The following SLIT3 variants were observed in gnomAD, a reference collection of about 807,000 sequenced individuals.
The protein encoded by SLIT3 is slit guidance ligand 3, also known as slit homolog 3 protein.
SLIT3 carries 68 observed loss-of-function variants against 184.0 expected under a neutral mutation model. The ratio of observed to expected loss-of-function variants is 0.37; its 90% CI spans 0.30 to 0.45. SLIT3 has a LOEUF of 0.45. Among genes scored for constraint, SLIT3 ranks in the 20% least tolerant of loss-of-function variants. SLIT3 has a pLI of 1.00. For missense variants in SLIT3, 1,707 were observed against 2,026.0 expected, an observed-to-expected ratio of 0.84 and a Z score of 3.02; for synonymous variants, 831 against 828.6, an observed-to-expected ratio of 1.00 and a Z score of -0.05.
chr5:169,279,362 A>G (rs951505681), intron 1 of SLIT3, among the ~76,000 whole-genome samples: 6 of 152,184 alleles, frequency 3.9e-5, no homozygotes, highest in African/African-American at 1.4e-4. Context: ...ATCCTGTCTC[A>G]CTGGCATGGA....
Position 169,300,388 on chromosome 5 carries a change from C to T in SLIT3, c.197+125G>A. ...AGCTCGGAGAGTGAGGGATCGTATC[C>T]AGGAAGGGATGAGAATAGAGACTGC... is the stretch of plus-strand genomic sequence containing the variant. On this transcript the variant is annotated intron_variant, in intron 1 of 35. Transcript: ENST00000519560. The surrounding 1 kb of genome is among the most constrained non-coding windows in gnomAD (Gnocchi z 4.1). 8.2e-7 allele frequency: 1 copy of T among 1,215,214 alleles called. No individual in the cohort carries two copies. The highest frequency in any genetic ancestry group is 1.1e-6 in the Non-Finnish European group (1 of 939,690). The allele number at this position is 1,215,214 out of a possible 1,614,324, so 75.3% of individuals were successfully genotyped here.
chr5:168,668,331 G>A (rs1310157114), intron 35 of SLIT3, among the ~76,000 whole-genome samples: 1 of 152,182 alleles, frequency 6.6e-6, no homozygotes, highest in African/African-American at 2.4e-5. Context: ...CTGGGGTGGG[G>A]CCTGGGAGCC....
chr5:169,211,119 C>T (rs907093929), intron 3 of SLIT3, among the ~76,000 whole-genome samples: 1 of 152,130 alleles, frequency 6.6e-6, no homozygotes, highest in African/African-American at 2.4e-5. Context: ...AGCCTGAATC[C>T]AAACCCAACT....
At chr5:168,907,979 T>TATATATATAGAGAGAGAGAGAGAG (rs376418381) in intron 4 of SLIT3, among the ~76,000 whole-genome samples, 2 of 50,086 alleles carry the variant, frequency 4.0e-5, no homozygotes, top group African/African-American at 1.3e-4. Context: ...TATATATATA[T>TATATATATAGAGAGAGAGAGAGAG]AGAGAGAGAG....
chr5:168,694,374 T>A (rs1477183926), intron 28 of SLIT3, among the ~76,000 whole-genome samples: 1 of 152,232 alleles, frequency 6.6e-6, no homozygotes, highest in Non-Finnish European at 1.5e-5. Context: ...TATACAGTGA[T>A]TCTTTTCATG....
chr5:169,191,627 T>C (rs1336417909), intron 4 of SLIT3, among the ~76,000 whole-genome samples: 1 of 152,162 alleles, frequency 6.6e-6, no homozygotes, highest in African/African-American at 2.4e-5. Flanking sequence ...ACTGATGATA[T>C]TTAGATACCG....
chr5:168,918,800 C>T (rs1412872035), intron 4 of SLIT3, among the ~76,000 whole-genome samples: 1 of 152,172 alleles, frequency 6.6e-6, no homozygotes, highest in East Asian at 1.9e-4. Context: ...GCTCAAAGAA[C>T]TCTGGATTTA....
chr5:168,793,394 C>T (rs1296738586), intron 10 of SLIT3, among the ~76,000 whole-genome samples: 2 of 152,068 alleles, frequency 1.3e-5, no homozygotes, highest in Non-Finnish European at 1.5e-5. Context: ...CACCAGGGAC[C>T]CTACCTCTCC....
intron 4 of SLIT3, among the ~76,000 whole-genome samples, chr5:168,999,119 T>C (rs1334946937): frequency 1.3e-5 from 2 of 152,264 alleles, no homozygotes; most frequent in Non-Finnish European, 2.9e-5. Flanking sequence ...TCTCACTACA[T>C]TGCCCAGGCT....
rs139904745 is a variant in SLIT3 at position 168,894,393 on chromosome 5, T to A, written c.414-11057A>T. ...AAAAAAATAAGTGAACATGATTTTATGCCATTGCTTGGTCCATGGATGACT... is the reference window on the plus strand; with the variant it reads ...AAAAAAATAAGTGAACATGATTTTAAGCCATTGCTTGGTCCATGGATGACT... On this transcript the variant is annotated intron_variant, in intron 4 of 35. Transcript: ENST00000519560. Among the ~76,000 whole-genome samples, 1,411 of 152,346 alleles carry A rather than the reference T, an allele frequency of 9.3e-3. 20 individuals carry two copies. The highest frequency in any genetic ancestry group is 0.032 in the African/African-American group (1,328 of 41,576).
At chr5:168,815,717 G>A (rs1160253248) in intron 8 of SLIT3, among the ~76,000 whole-genome samples, 1 of 152,232 alleles carries the variant, frequency 6.6e-6, no homozygotes, top group Non-Finnish European at 1.5e-5. Context: ...GGCAGAGAAT[G>A]AGATGAAGTT....
Position 168,977,717 on chromosome 5 carries a change from C to T in SLIT3, c.414-94381G>A, listed in dbSNP as rs1008183200. 3.9e-5 allele frequency among the ~76,000 whole-genome samples: 6 copies of T among 152,220 alleles called. No individual in the cohort carries two copies. In the South Asian group the frequency reaches 6.2e-4, roughly 16 times the overall value. ...AACCTTCCCTTTGATTCTAGATGCC[C>T]CACCCCATAGTCTTTCAATAAATGC... is the stretch of plus-strand genomic sequence containing the variant. On this transcript the variant is annotated intron_variant, in intron 4 of 35. Coordinates refer to ENST00000519560, the MANE Select transcript of SLIT3 (RefSeq NM_003062.4).
At chr5:168,985,783 C>G (rs1288363942) in intron 4 of SLIT3, among the ~76,000 whole-genome samples, 5 of 152,060 alleles carry the variant, frequency 3.3e-5, no homozygotes, top group African/African-American at 4.8e-5. Context: ...GAGAGGGCTC[C>G]TCTCTGCAAA....
At chr5:169,229,585 A>G (rs757932525) in intron 3 of SLIT3, among the ~76,000 whole-genome samples, 1 of 152,164 alleles carries the variant, frequency 6.6e-6, no homozygotes, top group Non-Finnish European at 1.5e-5. Context: ...GTTTGACCTA[A>G]GAGATGGACT....
intron 4 of SLIT3, chr5:169,024,861 C>T (rs74320555): frequency 6.6e-6 from 1 of 152,334 alleles, no homozygotes; most frequent in African/African-American, 2.4e-5. Context: ...AATTCCTACC[C>T]TGATGTACAC....
At chr5:169,140,618 A>G (rs1420587048) in intron 4 of SLIT3, among the ~76,000 whole-genome samples, 1 of 152,070 alleles carries the variant, frequency 6.6e-6, no homozygotes, top group East Asian at 1.9e-4. Flanking sequence ...AGCCTGGACT[A>G]CATAGTGAGA....
At chr5:169,129,187 G>T (rs561344911) in intron 4 of SLIT3, among the ~76,000 whole-genome samples, 22 of 152,290 alleles carry the variant, frequency 1.4e-4, no homozygotes, top group Non-Finnish European at 2.9e-4. Context: ...GAGCACGTGT[G>T]AGTAAGATGC....
chr5:168,718,908 G>T (rs1762849210), intron 23 of SLIT3, among the ~76,000 whole-genome samples: 1 of 152,148 alleles, frequency 6.6e-6, no homozygotes, highest in Non-Finnish European at 1.5e-5. Flanking sequence ...TTAATTAAAA[G>T]AATGAAACCC....
At chr5:168,669,175 C>T (rs1289530632) in intron 35 of SLIT3, among the ~76,000 whole-genome samples, 1 of 152,216 alleles carries the variant, frequency 6.6e-6, no homozygotes, top group African/African-American at 2.4e-5. Flanking sequence ...CCCTCCCTCA[C>T]TGAATGTACC....
Sources: gnomAD v4.1 joint callset for allele counts (sites outside exome capture counted in the v4.1 genomes callset) on GRCh38, gnomAD v4.1.1 for gene constraint, Gnocchi (gnomAD v3.1) non-coding constraint, MANE v1.5 for transcripts, NCBI Gene and HGNC (gene_info 2026-07-23, HGNC 2026-07-21) for gene names.